The following DLG2 variants were observed in gnomAD, a reference collection of about 807,000 sequenced individuals.
DLG2 encodes the protein disks large homolog 2.
Under a neutral mutation model 132.5 loss-of-function variants are expected in DLG2, and 45 were observed. The observed-to-expected ratio is 0.34, with a 90% CI of 0.27 to 0.44. The LOEUF (loss-of-function observed/expected upper bound fraction) is 0.44. Among genes scored for constraint, DLG2 ranks in the 20% least tolerant of loss-of-function variants. The pLI, the probability that DLG2 is intolerant of heterozygous loss-of-function variation, is 1.00. For synonymous variants in DLG2, 424 were observed against 419.6 expected (o/e 1.01, Z -0.13); for missense variants, 1,045 against 1,196.9 (o/e 0.87, Z 1.87).
rs1310972625 is a variant in DLG2 at position 83,692,616 on chromosome 11, A to G, written c.1826-59291T>C. On this transcript the variant is annotated intron_variant, in intron 18 of 27. Coordinates refer to ENST00000376104, the MANE Select transcript of DLG2 (RefSeq NM_001142699.3). ...TAAAATCCACTGAATTGTATATTTTAAACAAGTGAATAATATGGTATATGA... is the reference window on the plus strand; with the variant it reads ...TAAAATCCACTGAATTGTATATTTTGAACAAGTGAATAATATGGTATATGA... Among the ~76,000 whole-genome samples the G allele has an allele frequency of 2.6e-5, 4 of 152,222 alleles. No homozygotes were observed. The East Asian group carries it at 7.7e-4, about 29-fold the overall frequency.
chr11:84,964,983 C>T (rs867934679), intron 6 of DLG2, among the ~76,000 whole-genome samples: 1 of 151,910 alleles, frequency 6.6e-6, no homozygotes, highest in Admixed American at 6.6e-5. Context: ...CCTCAGCTGG[C>T]CAAAATAATT....
At chr11:84,806,090 C>T (rs79289474) in intron 6 of DLG2, among the ~76,000 whole-genome samples, 2 of 151,972 alleles carry the variant, frequency 1.3e-5, no homozygotes, top group East Asian at 1.9e-4. Flanking sequence ...ATAAAAGAGA[C>T]AAAAGAAACA....
rs1000333279 is a variant in DLG2 at position 83,656,696 on chromosome 11, T to C, written c.1826-23371A>G. ...CTCTATTGATTCCTAAAGGGACACA[T>C]TGATCCCAATGCAATCTGCTAATCT... On this transcript the variant is annotated intron_variant, in intron 18 of 27. Coordinates refer to ENST00000376104, the MANE Select transcript of DLG2 (RefSeq NM_001142699.3). 3.9e-5 allele frequency among the ~76,000 whole-genome samples: 6 copies of C among 152,370 alleles called. No individual in the cohort carries two copies. In the East Asian group the frequency reaches 9.6e-4, roughly 24 times the overall value.
intron 6 of DLG2, chr11:84,923,215 C>T (rs1333545631): frequency 1.7e-5 from 27 of 1,587,434 alleles, no homozygotes; most frequent in Admixed American, 1.1e-4. Context: ...AAAGAGCATC[C>T]GTTCCCTCTG....
At chr11:85,276,504 T>C (rs1043653368) in intron 4 of DLG2, among the ~76,000 whole-genome samples, 2 of 152,142 alleles carry the variant, frequency 1.3e-5, no homozygotes, top group Non-Finnish European at 2.9e-5. Flanking sequence ...TAACACAATC[T>C]GCAGGGAAGA....
intron 6 of DLG2, among the ~76,000 whole-genome samples, chr11:85,061,270 TA>T (rs1463731828): frequency 6.6e-6 from 1 of 151,924 alleles, no homozygotes. Context: ...GCCTGTGCTT[TA>T]TTTTTTTAAT....
intron 6 of DLG2, among the ~76,000 whole-genome samples, chr11:84,785,073 G>A (rs998404878): frequency 6.6e-6 from 1 of 151,890 alleles, no homozygotes; most frequent in Admixed American, 6.6e-5. Context: ...ATACAATTTT[G>A]TGTCAATTTA....
chr11:85,388,118 G>A (rs868849515), intron 3 of DLG2, among the ~76,000 whole-genome samples: 2 of 152,160 alleles, frequency 1.3e-5, no homozygotes, highest in Admixed American at 6.5e-5. Context: ...GGGCCACAGT[G>A]GGAGTGAGAC....
chr11:84,734,652 T>C (rs758929670), intron 6 of DLG2, among the ~76,000 whole-genome samples: 7 of 152,218 alleles, frequency 4.6e-5, no homozygotes, highest in Non-Finnish European at 7.3e-5. Context: ...CTGATTGCCC[T>C]GGCCAGAACT....
intron 3 of DLG2, among the ~76,000 whole-genome samples, chr11:85,426,212 C>A (rs1280942206): frequency 2.6e-5 from 4 of 152,096 alleles, no homozygotes; most frequent in African/African-American, 4.8e-5. Flanking sequence ...CCTCTGGGGG[C>A]AGGGCACAGC....
At chr11:84,990,691 A>T (rs1473452186) in intron 6 of DLG2, among the ~76,000 whole-genome samples, 1 of 117,758 alleles carries the variant, frequency 8.5e-6, no homozygotes. Flanking sequence ...TAAAATAAGA[A>T]GTAGCGACAG....
At chr11:84,295,887 G>C (rs953273389) in intron 7 of DLG2, among the ~76,000 whole-genome samples, 8 of 152,146 alleles carry the variant, frequency 5.3e-5, no homozygotes, top group African/African-American at 1.4e-4. Flanking sequence ...CTGTTCAGAA[G>C]ACTATGCACT....
chr11:85,463,470 T>G (rs531067395), intron 3 of DLG2, among the ~76,000 whole-genome samples: 1 of 152,294 alleles, frequency 6.6e-6, no homozygotes, highest in East Asian at 1.9e-4. Context: ...ATAAGAAATG[T>G]GTAGAATGAA....
chr11:83,483,439 T>C (rs2093285144), intron 22 of DLG2: 4 of 564,762 alleles, frequency 7.1e-6, no homozygotes, highest in Non-Finnish European at 1.2e-5. Context: ...CTCTCTTCTT[T>C]TAAAAAAACT....
chr11:83,873,195 C>T (rs2063811371), intron 16 of DLG2, among the ~76,000 whole-genome samples: 1 of 152,084 alleles, frequency 6.6e-6, no homozygotes, highest in African/African-American at 2.4e-5. Context: ...TATACAAGTA[C>T]ACTTGGGAAA....
chr11:83,462,752 C>T (rs1175374977), intron 26 of DLG2, among the ~76,000 whole-genome samples: 1 of 152,140 alleles, frequency 6.6e-6, no homozygotes, highest in African/African-American at 2.4e-5. Context: ...TTGATCATTA[C>T]ACATTGTATA....
chr11:84,079,006 A>C (rs2096866397), intron 10 of DLG2, among the ~76,000 whole-genome samples: 1 of 152,186 alleles, frequency 6.6e-6, no homozygotes, highest in Non-Finnish European at 1.5e-5. Context: ...TCATTCTTTA[A>C]TAATTCTATT....
chr11:85,083,550 C>T (rs1174456718), intron 6 of DLG2, among the ~76,000 whole-genome samples: 1 of 152,132 alleles, frequency 6.6e-6, no homozygotes, highest in Non-Finnish European at 1.5e-5. Context: ...TTTAGGGGAA[C>T]ATGAGACATT....
intron 6 of DLG2, among the ~76,000 whole-genome samples, chr11:84,796,751 A>T (rs1379576182): frequency 6.6e-6 from 1 of 152,034 alleles, no homozygotes; most frequent in African/African-American, 2.4e-5. Flanking sequence ...CCCATTGAAA[A>T]GTATGTTACC....
Sources: gnomAD v4.1 joint callset for allele counts (sites outside exome capture counted in the v4.1 genomes callset) on GRCh38, gnomAD v4.1.1 for gene constraint, MANE v1.5 for transcripts, NCBI Gene and HGNC (gene_info 2026-07-23, HGNC 2026-07-21) for gene names.